The following SORCS2 variants were observed in gnomAD, a reference collection of about 807,000 sequenced individuals.
SORCS2 encodes VPS10 domain-containing receptor SorCS2.
SORCS2 carries 100 observed loss-of-function variants against 141.6 expected under a neutral mutation model. The ratio of observed to expected loss-of-function variants is 0.71; its 90% CI spans 0.60 to 0.83. The LOEUF is 0.83. Among genes scored for constraint, SORCS2 ranks in the 40% least tolerant of loss-of-function variants. The pLI is 0.00. For synonymous variants in SORCS2, 789 were observed against 676.9 expected (o/e 1.17, Z -2.57); for missense variants, 1,646 against 1,560.2 (o/e 1.05, Z -0.93).
intron 2 of SORCS2, among the ~76,000 whole-genome samples, chr4:7,513,149 T>C (rs1732765923): frequency 6.6e-6 from 1 of 152,198 alleles, no homozygotes. Flanking sequence ...TCCTTTCGCC[T>C]CTCTGAGCCT....
In SORCS2 at chr4:7,715,263, C is replaced by A. The variant is rs772678048; in HGVS notation, c.2204C>A (p.Ser735Tyr). 1.2e-6 allele frequency: 2 copies of A among 1,613,844 alleles called. No individual in the cohort carries two copies. Among genetic ancestry groups the A allele is most frequent in the Admixed American group, 1.7e-5 (1 of 60,026 alleles). ...GCCAACTTCTGGTTTAACCCATTGT[C>A]CCCGCCTGACGACTGTGCCCTGGGC... The part of the protein sequence containing the change: ...CSANFWFNPL[S>Y]PPDDCALGQT... Residue 735 changes from serine to tyrosine, a missense_variant, in exon 17 of 27, where the codon TCC becomes TAC. By Grantham distance (144) the Ser-to-Tyr change is moderately radical. Coordinates refer to ENST00000507866, the MANE Select transcript of SORCS2 (RefSeq NM_020777.3).
At chr4:7,202,430 A>G (rs1178300412) in intron 1 of SORCS2, among the ~76,000 whole-genome samples, 2 of 152,256 alleles carry the variant, frequency 1.3e-5, no homozygotes, top group African/African-American at 2.4e-5. Context: ...TTGCATTTCT[A>G]TAGCAGTCAG....
intron 19 of SORCS2, among the ~76,000 whole-genome samples, chr4:7,724,614 G>T (rs1182402120): frequency 1.3e-4 from 16 of 125,220 alleles, no homozygotes; most frequent in African/African-American, 4.9e-4. Context: ...TGATAGTGCT[G>T]GTGAGGATGG....
At chr4:7,654,282 G>A in intron 5 of SORCS2, 75 bp downstream of exon 5, 1 of 1,453,210 alleles carries the variant, frequency 6.9e-7, no homozygotes, top group Non-Finnish European at 9.4e-7. Context: ...ACCCTTGGGA[G>A]CCCATCCCTG....
chr4:7,610,975 A>G (rs2108809323), intron 3 of SORCS2, among the ~76,000 whole-genome samples: 1 of 152,302 alleles, frequency 6.6e-6, no homozygotes, highest in African/African-American at 2.4e-5. Flanking sequence ...TCCAGGCATC[A>G]GCCCACTCCC....
intron 19 of SORCS2, among the ~76,000 whole-genome samples, chr4:7,724,285 G>A (rs1425032535): frequency 7.1e-6 from 1 of 140,968 alleles, no homozygotes; most frequent in African/African-American, 2.7e-5. Flanking sequence ...TGGTGGTGGT[G>A]GTGGTGATAA....
intron 3 of SORCS2, among the ~76,000 whole-genome samples, chr4:7,589,207 T>A (rs1293669480): frequency 1.3e-5 from 2 of 152,128 alleles, no homozygotes; most frequent in South Asian, 2.1e-4. Flanking sequence ...AGTTAGGAGA[T>A]CCTTGTGGCA....
At chr4:7,311,298 T>C (rs540054389) in intron 1 of SORCS2, among the ~76,000 whole-genome samples, 28 of 152,348 alleles carry the variant, frequency 1.8e-4, no homozygotes, top group Non-Finnish European at 3.4e-4. Context: ...CAGACCACAA[T>C]TTGCTTATCC....
At chr4:7,727,965 G>A (rs896716450) in intron 21 of SORCS2, among the ~76,000 whole-genome samples, 1 of 152,192 alleles carries the variant, frequency 6.6e-6, no homozygotes, top group African/African-American at 2.4e-5. Flanking sequence ...TGACCTCATA[G>A]GGTGTGTTCA....
At chr4:7,526,932 T>C (rs963364683) in intron 2 of SORCS2, among the ~76,000 whole-genome samples, 1 of 152,268 alleles carries the variant, frequency 6.6e-6, no homozygotes, top group African/African-American at 2.4e-5. Flanking sequence ...AACATTATAA[T>C]GAAATATTTT....
rs1260267381 is a variant in SORCS2 at position 7,286,344 on chromosome 4, C to T, written c.480+93218C>T. The stretch of plus-strand genomic sequence containing the variant: ...CCTGTTGTGGGAGCAGCGGAAGAGC[C>T]TGGGGTGGCTCTGGGGCTGGGTTGG... On this transcript the variant is annotated intron_variant, in intron 1 of 26. Coordinates refer to ENST00000507866, the MANE Select transcript of SORCS2 (RefSeq NM_020777.3). This position sits in a 1 kb window ranked among gnomAD's most constrained non-coding sequence, Gnocchi z 4.1. Among the ~76,000 whole-genome samples, 1 of 152,196 alleles carries T rather than the reference C, an allele frequency of 6.6e-6. No individual in the cohort carries two copies. The highest frequency in any genetic ancestry group is 1.9e-4 in the East Asian group (1 of 5,192).
At chr4:7,699,933 C>G (rs1372569473) in intron 12 of SORCS2, among the ~76,000 whole-genome samples, 2 of 152,192 alleles carry the variant, frequency 1.3e-5, no homozygotes, top group African/African-American at 4.8e-5. Context: ...GTCCGTCTCT[C>G]CCAGCATCCG....
intron 1 of SORCS2, among the ~76,000 whole-genome samples, chr4:7,221,240 G>A (rs990046419): frequency 6.6e-6 from 1 of 152,160 alleles, no homozygotes; most frequent in South Asian, 2.1e-4. Context: ...CGCAGACTTT[G>A]GTGTGTGTCA....
intron 1 of SORCS2, among the ~76,000 whole-genome samples, chr4:7,313,774 C>T (rs549324325): frequency 6.6e-6 from 1 of 152,250 alleles, no homozygotes; most frequent in South Asian, 2.1e-4. Context: ...GATGATGTCA[C>T]CCCCCTGCTC....
intron 8 of SORCS2, among the ~76,000 whole-genome samples, chr4:7,674,322 G>A (rs756312253): frequency 2.6e-5 from 4 of 152,048 alleles, no homozygotes; most frequent in Non-Finnish European, 4.4e-5. Flanking sequence ...GCTCACGCCT[G>A]TAATCCCAGC....
intron 3 of SORCS2, among the ~76,000 whole-genome samples, chr4:7,600,130 T>C (rs1241118960): frequency 6.6e-6 from 1 of 151,814 alleles, no homozygotes; most frequent in African/African-American, 2.4e-5. Context: ...CCTGGTGGAG[T>C]AGGTTTTCTA....
At chr4:7,598,294 G>C (rs894226796) in intron 3 of SORCS2, among the ~76,000 whole-genome samples, 1 of 152,106 alleles carries the variant, frequency 6.6e-6, no homozygotes, top group African/African-American at 2.4e-5. Flanking sequence ...ACAGAGTGAG[G>C]AGGTGGAGGG....
chr4:7,354,298 G>A (rs568930583), intron 1 of SORCS2, among the ~76,000 whole-genome samples: 1 of 151,886 alleles, frequency 6.6e-6, no homozygotes, highest in East Asian at 1.9e-4. Flanking sequence ...ATCCCCCCAT[G>A]GTAAGGCAAG....
At chr4:7,476,030 A>T (rs1265829004) in intron 2 of SORCS2, among the ~76,000 whole-genome samples, 1 of 152,084 alleles carries the variant, frequency 6.6e-6, no homozygotes, top group Non-Finnish European at 1.5e-5. Flanking sequence ...AGCGGAAGGA[A>T]GACAGGCAGG....
Sources: allele counts gnomAD v4.1 joint callset (sites outside exome capture counted in the v4.1 genomes callset), GRCh38; gene constraint gnomAD v4.1.1; non-coding constraint Gnocchi (gnomAD v3.1); transcripts MANE v1.5; gene names NCBI Gene and HGNC (gene_info 2026-07-23, HGNC 2026-07-21).